KIAA1328: variants seen among roughly 807,000 people sequenced by gnomAD.
KIAA1328 encodes KIAA1328.
In KIAA1328, 52 loss-of-function variants were observed where a neutral mutation model predicts 68.1. The observed-to-expected ratio is 0.76, with a 90% CI of 0.61 to 0.96. The LOEUF is 0.96. Ranked by LOEUF, KIAA1328 falls within the 40% of genes least tolerant of loss-of-function variation. The probability of loss-of-function intolerance (pLI) is 0.00; values close to 1 mark genes in which losing one functional copy is unlikely to be tolerated. For missense variants in KIAA1328, 641 were observed against 677.6 expected (o/e 0.95, Z 0.60); for synonymous variants, 232 against 239.4 (o/e 0.97, Z 0.28).
chr18:37,126,282 A>G (rs1285306335), intron 7 of KIAA1328, among the ~76,000 whole-genome samples: 3 of 152,224 alleles, frequency 2.0e-5, no homozygotes, highest in African/African-American at 7.2e-5. Flanking sequence ...AGTCCTAAAC[A>G]TTTCACATAA....
intron 4 of KIAA1328, among the ~76,000 whole-genome samples, chr18:36,859,902 G>C (rs947455524): frequency 6.9e-6 from 1 of 144,180 alleles, no homozygotes; most frequent in African/African-American, 2.6e-5. Context: ...TAATAGATAT[G>C]TAACTCATTG....
At chr18:37,116,262 A>G (rs557244673) in intron 7 of KIAA1328, among the ~76,000 whole-genome samples, 81 of 152,334 alleles carry the variant, frequency 5.3e-4, no homozygotes, top group African/African-American at 1.9e-3. Flanking sequence ...TTCAAACTAT[A>G]CTACAAGGCT....
chr18:36,844,376 A>G (rs778689905), intron 4 of KIAA1328, 74 bp downstream of exon 4: 68 of 942,744 alleles, frequency 7.2e-5, no homozygotes, highest in Non-Finnish European at 1.0e-4. Flanking sequence ...AATTGCAAAT[A>G]TATTTTGATG....
At chr18:37,074,484 G>C (rs1042684603) in intron 7 of KIAA1328, among the ~76,000 whole-genome samples, 3 of 152,144 alleles carry the variant, frequency 2.0e-5, no homozygotes, top group Non-Finnish European at 4.4e-5. Context: ...TGGAGGCTTT[G>C]TTCATTTCCT....
intron 5 of KIAA1328, among the ~76,000 whole-genome samples, chr18:36,948,164 A>G (rs552179274): frequency 6.6e-6 from 1 of 152,024 alleles, no homozygotes; most frequent in Non-Finnish European, 1.5e-5. Context: ...ATTGAAATGG[A>G]TAGCTCATGA....
At chr18:37,109,461 C>A (rs923167472) in intron 7 of KIAA1328, among the ~76,000 whole-genome samples, 2 of 152,084 alleles carry the variant, frequency 1.3e-5, no homozygotes, top group African/African-American at 4.8e-5. Flanking sequence ...ATTTTTCAAT[C>A]ATATTTGTTA....
chr18:36,841,314 G>T (rs1048802027), intron 3 of KIAA1328, among the ~76,000 whole-genome samples: 1 of 151,738 alleles, frequency 6.6e-6, no homozygotes, highest in East Asian at 2.0e-4. Flanking sequence ...CACATGTAGT[G>T]TAAAGTAAGA....
In KIAA1328 at chr18:37,223,632, A is replaced by G. The variant is rs1262659255; in HGVS notation, c.*1405A>G. ...AGACTTAGTCAGTGTTGGTAGACAA[A>G]GTCATACCACCCAGGGCAGCCTGCA... On this transcript the variant is annotated 3_prime_UTR_variant, in exon 10 of 10. Transcript: ENST00000280020. 1.0e-6 allele frequency: 1 copy of G among 985,292 alleles called. No individual in the cohort carries two copies. Among genetic ancestry groups the G allele is most frequent in the African/African-American group, 1.7e-5 (1 of 57,218 alleles). 61.0% of individuals were successfully genotyped at this position (985,292 alleles called of 1,614,324 possible). A position where few individuals can be genotyped will look rare whatever the true frequency, so the allele number is the denominator to read the frequency against.
chr18:37,153,685 G>T (rs1354826582), intron 7 of KIAA1328, among the ~76,000 whole-genome samples: 1 of 134,400 alleles, frequency 7.4e-6, no homozygotes, highest in Non-Finnish European at 1.5e-5. Flanking sequence ...CAAAGAAATG[G>T]CTGATTCCAG....
intron 9 of KIAA1328, among the ~76,000 whole-genome samples, chr18:37,196,240 C>T (rs375744396): frequency 1.1e-4 from 17 of 152,104 alleles, no homozygotes; most frequent in Middle Eastern, 3.4e-3. Context: ...GTGAACTAGG[C>T]GAATTTAATT....
intron 4 of KIAA1328, among the ~76,000 whole-genome samples, chr18:36,847,041 TG>T (rs1279998038): frequency 2.6e-5 from 4 of 151,666 alleles, no homozygotes; most frequent in Non-Finnish European, 5.9e-5. Flanking sequence ...ATTTGACCTC[TG>T]TATCTGGCTT....
chr18:37,223,917 T>C lies in KIAA1328; in HGVS notation c.*1690T>C, dbSNP rs901873257. 2.0e-6 allele frequency: 2 copies of C among 983,084 alleles called. No individual in the cohort carries two copies. The highest frequency in any genetic ancestry group is 3.5e-5 in the African/African-American group (2 of 57,174). 60.9% of individuals were successfully genotyped at this position (983,084 alleles called of 1,614,324 possible). Reference sequence around the variant, plus strand: ...ATATAAAGTCAAGACTAACTAGTTATAATCATTCCCTTAAAAAGTTGGAAA... The same window carrying C: ...ATATAAAGTCAAGACTAACTAGTTACAATCATTCCCTTAAAAAGTTGGAAA... On this transcript the variant is annotated 3_prime_UTR_variant, in exon 10 of 10. Transcript: ENST00000280020.
chr18:37,080,793 GA>G (rs980958659), intron 7 of KIAA1328, among the ~76,000 whole-genome samples: 26 of 148,790 alleles, frequency 1.7e-4, no homozygotes, highest in Admixed American at 3.4e-4. Flanking sequence ...AAAAAAAAAA[GA>G]AAAAAAGAAC....
intron 7 of KIAA1328, among the ~76,000 whole-genome samples, chr18:37,120,806 G>T (rs2058249579): frequency 6.6e-6 from 1 of 152,050 alleles, no homozygotes; most frequent in Non-Finnish European, 1.5e-5. Flanking sequence ...CCAAAAAAAT[G>T]GATACTTTTT....
chr18:36,831,408 T>G (rs770092930), intron 1 of KIAA1328, among the ~76,000 whole-genome samples: 45 of 152,186 alleles, frequency 3.0e-4, no homozygotes, highest in Admixed American at 1.6e-3. Flanking sequence ...CTGTAAACAA[T>G]GAGTGTGTGG....
intron 9 of KIAA1328, among the ~76,000 whole-genome samples, chr18:37,209,586 G>T (rs1243928279): frequency 6.6e-6 from 1 of 152,138 alleles, no homozygotes; most frequent in African/African-American, 2.4e-5. Flanking sequence ...CTTTGAGGAG[G>T]TGACATTTAA....
chr18:37,030,215 C>A (rs1308708214), intron 6 of KIAA1328, among the ~76,000 whole-genome samples: 1 of 151,218 alleles, frequency 6.6e-6, no homozygotes, highest in Non-Finnish European at 1.5e-5. Context: ...ATATTTTTTT[C>A]AGTTATAATT....
chr18:37,101,971 A>T (rs1319228413), intron 7 of KIAA1328, among the ~76,000 whole-genome samples: 2 of 152,162 alleles, frequency 1.3e-5, no homozygotes, highest in Non-Finnish European at 2.9e-5. Context: ...ATTCAAAACA[A>T]ATTGGAGAGG....
At chr18:36,928,585 T>C (rs1405662856) in intron 5 of KIAA1328, among the ~76,000 whole-genome samples, 2 of 152,222 alleles carry the variant, frequency 1.3e-5, no homozygotes, top group African/African-American at 4.8e-5. Flanking sequence ...ACTTTTGTTT[T>C]AGTACTTCAA....
Sources: gnomAD v4.1 joint callset for allele counts (sites outside exome capture counted in the v4.1 genomes callset) on GRCh38, gnomAD v4.1.1 for gene constraint, MANE v1.5 for transcripts, NCBI Gene and HGNC (gene_info 2026-07-23, HGNC 2026-07-21) for gene names.